The following CASS4 variants were observed in gnomAD, a reference collection of about 807,000 sequenced individuals.
CASS4 encodes Cas scaffold protein family member 4.
Under a neutral mutation model 54.2 loss-of-function variants are expected in CASS4, and 22 were observed. The ratio of observed to expected loss-of-function variants is 0.41; its 90% CI spans 0.29 to 0.58. The LOEUF is 0.58. CASS4 is among the 20% of genes least tolerant of loss of function. The pLI is 0.36. For missense variants in CASS4, 854 were observed against 986.7 expected (o/e 0.87, Z 1.80); for synonymous variants, 409 against 391.5 (o/e 1.04, Z -0.53).
chr20:56,428,613 A>G (rs551104887), intron 1 of CASS4, among the ~76,000 whole-genome samples: 32 of 152,264 alleles, frequency 2.1e-4, no homozygotes, highest in Middle Eastern at 3.4e-3. Context: ...ACTCATGTAT[A>G]TTTCTTGCCC....
chr20:56,445,781 G>A (rs1482957703), intron 2 of CASS4, 119 bp from the exon 3 acceptor site: 2 of 706,224 alleles, frequency 2.8e-6, no homozygotes, highest in Admixed American at 5.1e-5. Flanking sequence ...GGGGTGCCGG[G>A]CGACCCCTTC....
chr20:56,432,817 AGAC>A (rs1979973741), intron 1 of CASS4, among the ~76,000 whole-genome samples: 1 of 152,208 alleles, frequency 6.6e-6, no homozygotes, highest in Non-Finnish European at 1.5e-5. Flanking sequence ...TTCCGTGTGC[AGAC>A]TAGTTACGCC....
intron 3 of CASS4, among the ~76,000 whole-genome samples, chr20:56,447,882 C>T (rs1033710216): frequency 6.6e-6 from 1 of 152,200 alleles, no homozygotes; most frequent in Non-Finnish European, 1.5e-5. Context: ...GTGGCTCACG[C>T]CTGTAATCCC....
chr20:56,427,225 G>A (rs1015306844), intron 1 of CASS4, among the ~76,000 whole-genome samples: 14 of 148,178 alleles, frequency 9.4e-5, no homozygotes, highest in Non-Finnish European at 1.6e-4. Flanking sequence ...TGACTTCACA[G>A]AATGTTGTTA....
intron 1 of CASS4, among the ~76,000 whole-genome samples, chr20:56,421,781 A>G (rs1221978214): frequency 2.0e-5 from 3 of 152,176 alleles, no homozygotes. Flanking sequence ...GACCCATCAA[A>G]TAACACAAAA....
chr20:56,441,949 C>G (rs1263205019), intron 2 of CASS4, among the ~76,000 whole-genome samples: 1 of 152,192 alleles, frequency 6.6e-6, no homozygotes, highest in Non-Finnish European at 1.5e-5. Context: ...ACAGAAAAGG[C>G]AGGCGTCTCC....
intron 1 of CASS4, among the ~76,000 whole-genome samples, chr20:56,433,136 G>C (rs779453757): frequency 6.6e-6 from 1 of 152,238 alleles, no homozygotes; most frequent in Non-Finnish European, 1.5e-5. Context: ...TTCTTATGGG[G>C]AGACAGACCC....
At chr20:56,456,022 TA>T (rs903233324) in intron 5 of CASS4, among the ~76,000 whole-genome samples, 1 of 151,742 alleles carries the variant, frequency 6.6e-6, no homozygotes, top group African/African-American at 2.4e-5. Flanking sequence ...TGCAGCATAA[TA>T]ATGTGCATTT....
At chr20:56,446,420 A>G (rs555682402) in intron 3 of CASS4, among the ~76,000 whole-genome samples, 1 of 152,274 alleles carries the variant, frequency 6.6e-6, no homozygotes, top group Admixed American at 6.5e-5. Context: ...TAATATATGT[A>G]TGTGTGTACA....
At chr20:56,440,392 C>T (rs749967136) in intron 2 of CASS4, among the ~76,000 whole-genome samples, 5 of 152,220 alleles carry the variant, frequency 3.3e-5, no homozygotes, top group Non-Finnish European at 5.9e-5. Context: ...AAATCAATAG[C>T]AATTCCTTCC....
intron 2 of CASS4, among the ~76,000 whole-genome samples, chr20:56,443,913 C>A (rs949917671): frequency 6.6e-6 from 1 of 152,118 alleles, no homozygotes; most frequent in Non-Finnish European, 1.5e-5. Flanking sequence ...TTACTGAGAG[C>A]GCTTTGGAAA....
chr20:56,419,573 T>C (rs1015294317), intron 1 of CASS4, among the ~76,000 whole-genome samples: 1 of 152,152 alleles, frequency 6.6e-6, no homozygotes, highest in African/African-American at 2.4e-5. Context: ...GCTTCAGGCA[T>C]GCACCACTGT....
chr20:56,420,406 A>G (rs1979355728), intron 1 of CASS4, among the ~76,000 whole-genome samples: 1 of 152,118 alleles, frequency 6.6e-6, no homozygotes, highest in Admixed American at 6.6e-5. Flanking sequence ...ATTTTCTTTT[A>G]GAGACAGGGT....
At chr20:56,434,793 GT>G (rs1980076926) in intron 1 of CASS4, among the ~76,000 whole-genome samples, 1 of 151,960 alleles carries the variant, frequency 6.6e-6, no homozygotes, top group South Asian at 2.1e-4. Context: ...AAAATTGTGT[GT>G]TTCATATTAT....
chr20:56,447,766 A>G (rs988827746), intron 3 of CASS4, among the ~76,000 whole-genome samples: 1 of 152,132 alleles, frequency 6.6e-6, no homozygotes, highest in South Asian at 2.1e-4. Context: ...CTCTTGTGTG[A>G]GCCATGCCTG....
intron 2 of CASS4, among the ~76,000 whole-genome samples, chr20:56,438,438 C>CA (rs1215283567): frequency 2.5e-5 from 3 of 119,662 alleles, no homozygotes; most frequent in African/African-American, 9.2e-5. Context: ...TGTTTATTAA[C>CA]AGTGGATTGG....
At position 56,458,979 on chromosome 20, in the gene CASS4, A is replaced by C. The variant is rs952440566; in HGVS notation, c.*232A>C. ...AGGTAAAGACCTTGTGAAGTTTAGC[A>C]TATATGGAGTATGCAGTATCAGCTT... On this transcript the variant is annotated 3_prime_UTR_variant, in exon 6 of 6. Transcript: ENST00000679887. 2 of 520,056 alleles carry C rather than the reference A, an allele frequency of 3.8e-6. No individual in the cohort carries two copies. The highest frequency in any genetic ancestry group is 3.8e-5 in the African/African-American group (2 of 53,142). 32.2% of individuals were successfully genotyped at this position (520,056 alleles called of 1,614,324 possible).
rs184458275 is a variant in CASS4, at chr20:56,423,632, C to T, written c.36+11138C>T. Among the ~76,000 whole-genome samples the T allele has an allele frequency of 1.2e-3, 176 of 152,282 alleles. 1 individual carries two copies. The highest frequency in any genetic ancestry group is 1.7e-3 in the Non-Finnish European group (119 of 68,030). ...CAATCTCAGCTCACTGCAACCTCCA[C>T]CTCCCAAGTTCAAGCAATTATCCTG... On this transcript the variant is annotated intron_variant, in intron 1 of 5. Transcript: ENST00000679887.
Position 56,414,175 on chromosome 20 carries a change from A to C in CASS4, c.36+1681A>C, listed in dbSNP as rs1569130394. Among the ~76,000 whole-genome samples, 1 of 152,198 alleles carries C rather than the reference A, an allele frequency of 6.6e-6. No individual in the cohort carries two copies. The highest frequency in any genetic ancestry group is 2.4e-5 in the African/African-American group (1 of 41,444). On this transcript the variant is annotated intron_variant, in intron 1 of 5. Transcript: ENST00000679887. The surrounding 1 kb of genome is among the most constrained non-coding windows in gnomAD (Gnocchi z 4.1). ...GTTGATTTAATAATGCCATTCTACTATTCAGTCCACATTCACATTTTCCAA... is the reference window on the plus strand; with the variant it reads ...GTTGATTTAATAATGCCATTCTACTCTTCAGTCCACATTCACATTTTCCAA...
Sources: gnomAD v4.1 joint callset for allele counts (sites outside exome capture counted in the v4.1 genomes callset) on GRCh38, gnomAD v4.1.1 for gene constraint, Gnocchi (gnomAD v3.1) non-coding constraint, MANE v1.5 for transcripts, NCBI Gene and HGNC (gene_info 2026-07-23, HGNC 2026-07-21) for gene names.